The following HTR4 variants were observed in gnomAD, a reference collection of about 807,000 sequenced individuals.
HTR4 encodes 5-hydroxytryptamine (serotonin) receptor 4, G protein-coupled.
A neutral mutation model predicts 36.8 loss-of-function variants in HTR4; 16 were observed. That is an observed-to-expected ratio of 0.43 (90% confidence interval 0.29 to 0.66). HTR4 has a LOEUF of 0.66. Among genes scored for constraint, HTR4 ranks in the 30% least tolerant of loss-of-function variants. The pLI is 0.13. For missense variants in HTR4, 438 were observed against 490.9 expected (o/e 0.89, Z 1.02); for synonymous variants, 189 against 185.1 (o/e 1.02, Z -0.17).
chr5:148,492,376 G>A (rs1020021075), intron 6 of HTR4, among the ~76,000 whole-genome samples: 1 of 152,212 alleles, frequency 6.6e-6, no homozygotes, highest in Non-Finnish European at 1.5e-5. Flanking sequence ...CAGGAAACAA[G>A]TCTTGTCTCA....
downstream of HTR4, among the ~76,000 whole-genome samples, chr5:148,479,665 C>G (rs1243946602): frequency 6.6e-6 from 1 of 152,136 alleles, no homozygotes; most frequent in South Asian, 2.1e-4. Context: ...GATTCTAGGA[C>G]CTTCAAAGCC....
downstream of HTR4, among the ~76,000 whole-genome samples, chr5:148,475,197 C>T (rs1232416799): frequency 6.6e-6 from 1 of 152,166 alleles, no homozygotes; most frequent in Non-Finnish European, 1.5e-5. Flanking sequence ...TATACAACCT[C>T]ATGAGTTAGG....
At chr5:148,640,396 C>T (rs1231618206) in intron 1 of HTR4, among the ~76,000 whole-genome samples, 2 of 152,186 alleles carry the variant, frequency 1.3e-5, no homozygotes, top group African/African-American at 4.8e-5. Flanking sequence ...CCTTAGCTTA[C>T]TGGCTGGACC....
intron 4 of HTR4, among the ~76,000 whole-genome samples, chr5:148,528,626 T>C (rs1758401954): frequency 6.6e-6 from 1 of 152,186 alleles, no homozygotes; most frequent in Admixed American, 6.5e-5. Context: ...TTTTAATATT[T>C]GTCTGTAGAT....
chr5:148,495,578 G>A (rs35151477), intron 6 of HTR4, among the ~76,000 whole-genome samples: 74,996 of 151,872 alleles, frequency 0.49, 19,407 homozygotes, highest in African/African-American at 0.66. Flanking sequence ...CTTGGTATTT[G>A]TCCAATGGAC....
intron 2 of HTR4, among the ~76,000 whole-genome samples, chr5:148,563,428 G>C (rs1760301962): frequency 6.6e-6 from 1 of 152,156 alleles, no homozygotes; most frequent in Non-Finnish European, 1.5e-5. Flanking sequence ...GATTTTCACA[G>C]CTGTTACCTT....
At chr5:148,582,049 A>C (rs1344407485) in intron 2 of HTR4, among the ~76,000 whole-genome samples, 1 of 151,944 alleles carries the variant, frequency 6.6e-6, no homozygotes, top group Non-Finnish European at 1.5e-5. Context: ...TCACCTCCTT[A>C]GTTAGGTTTA....
At chr5:148,638,559 C>T (rs1581578409) in intron 1 of HTR4, among the ~76,000 whole-genome samples, 1 of 152,184 alleles carries the variant, frequency 6.6e-6, no homozygotes, top group South Asian at 2.1e-4. Context: ...GTAGACAGTG[C>T]CCATCCAGCA....
downstream of HTR4, among the ~76,000 whole-genome samples, chr5:148,480,356 C>T: frequency 6.6e-6 from 1 of 152,114 alleles, no homozygotes; most frequent in Non-Finnish European, 1.5e-5. Flanking sequence ...CCAAAGGGTG[C>T]TTCTACAATT....
At chr5:148,467,208 C>T (rs1018059636) in intron 5 of HTR4, among the ~76,000 whole-genome samples, 1 of 152,068 alleles carries the variant, frequency 6.6e-6, no homozygotes, top group Non-Finnish European at 1.5e-5. Flanking sequence ...AATGTTCCTG[C>T]GTGGAGCTAG....
rs778714436 is a variant in HTR4 at position 148,509,542 on chromosome 5, A to T, written c.990T>A (p.Asp330Glu). Residue 330 changes from aspartate (D) to glutamate (E), a missense_variant, in exon 6 of 7, where the codon GAT becomes GAA. Coordinates refer to ENST00000377888, the MANE Select transcript of HTR4 (RefSeq NM_000870.7). ...TGGAAGGTCTTCGGTAGCGCTCATC[A>T]TCACAGCAGAGGATGATGAGGAAGG... The part of the protein sequence containing the change: ...RRAFLIILCC[D>E]DERYRRPSIL... 6.2e-7 allele frequency: 1 copy of T among 1,614,124 alleles called. No individual in the cohort carries two copies. The highest frequency in any genetic ancestry group is 1.1e-5 in the South Asian group (1 of 91,086).
chr5:148,524,509 G>A (rs1758170578), intron 4 of HTR4, among the ~76,000 whole-genome samples: 1 of 152,242 alleles, frequency 6.6e-6, no homozygotes, highest in South Asian at 2.1e-4. Flanking sequence ...TCCAGAAAGA[G>A]GTACAATCTG....
rs17108465 is a variant in HTR4, at chr5:148,587,124, C to T, written c.27-36862G>A. 6.3e-3 allele frequency among the ~76,000 whole-genome samples: 953 copies of T among 152,226 alleles called. 5 individuals are homozygous for T. Among genetic ancestry groups the T allele is most frequent in the Non-Finnish European group, 0.01 (713 of 68,016 alleles). ...CGTACCTGCTGGACCTCTGGAACCA[C>T]GTTTGTTTTAGGGCTAAAGTGCAAT... On this transcript the variant is annotated intron_variant, in intron 2 of 6. Transcript: ENST00000377888.
intron 2 of HTR4, among the ~76,000 whole-genome samples, chr5:148,556,315 C>T (rs191490356): frequency 1.1e-3 from 169 of 152,340 alleles, no homozygotes; most frequent in African/African-American, 3.7e-3. Context: ...TGAGCCACCA[C>T]GCCCAGACTT....
chr5:148,454,408 T>A (rs1193824115), intron 5 of HTR4, among the ~76,000 whole-genome samples: 2 of 152,224 alleles, frequency 1.3e-5, no homozygotes, highest in Non-Finnish European at 2.9e-5. Context: ...TTTGTGACAT[T>A]TGGCAAGTTA....
At chr5:148,607,400 G>T (rs760316219) in intron 2 of HTR4, among the ~76,000 whole-genome samples, 1 of 152,206 alleles carries the variant, frequency 6.6e-6, no homozygotes, top group Non-Finnish European at 1.5e-5. Context: ...GGGCAGCAGT[G>T]ATGCATGCTG....
chr5:148,532,137 G>T (rs1053118471), intron 4 of HTR4, among the ~76,000 whole-genome samples: 3 of 152,236 alleles, frequency 2.0e-5, no homozygotes, highest in Admixed American at 2.0e-4. Flanking sequence ...CTTAAGAGTG[G>T]GGTGCCACAA....
intron 6 of HTR4, among the ~76,000 whole-genome samples, chr5:148,485,015 G>A (rs1227930856): frequency 6.6e-6 from 1 of 152,130 alleles, no homozygotes; most frequent in Non-Finnish European, 1.5e-5. Context: ...GGAAGAAAGG[G>A]AAGGAGGAAG....
chr5:148,632,582 G>A (rs1434167262), intron 2 of HTR4, among the ~76,000 whole-genome samples: 1 of 152,110 alleles, frequency 6.6e-6, no homozygotes, highest in Non-Finnish European at 1.5e-5. Context: ...TCAAAGCCTG[G>A]AGGCATTGTC....
Sources: allele counts gnomAD v4.1 joint callset (sites outside exome capture counted in the v4.1 genomes callset), GRCh38; gene constraint gnomAD v4.1.1; transcripts MANE v1.5; gene names NCBI Gene and HGNC (gene_info 2026-07-23, HGNC 2026-07-21).